AJAP1: variants seen among roughly 807,000 people sequenced by gnomAD.
AJAP1 encodes adherens junction-associated protein 1.
In AJAP1, 5 loss-of-function variants were observed where a neutral mutation model predicts 35.0. The observed-to-expected ratio is 0.14, with a 90% CI of 0.07 to 0.30. The LOEUF is 0.30. AJAP1 is among the 10% of genes least tolerant of loss of function. The pLI is 1.00. For synonymous variants in AJAP1, 284 were observed against 249.3 expected (o/e 1.14, Z -1.31); for missense variants, 586 against 571.0 (o/e 1.03, Z -0.27).
rs761901142 is a variant in AJAP1 at position 4,789,721 on chromosome 1, C to G, written c.*7236C>G. On this transcript the variant is annotated 3_prime_UTR_variant, in exon 6 of 6. Coordinates refer to ENST00000378191, the MANE Select transcript of AJAP1 (RefSeq NM_018836.4). The surrounding 1 kb of genome is among the most constrained non-coding windows in gnomAD (Gnocchi z 4.4). The stretch of plus-strand genomic sequence containing the variant: ...TTACTGGGTTGGGCAAGTCCTTGCC[C>G]CTAGAAAATTGGGGATAGCTTTGGC... 1 of 152,144 alleles carries G rather than the reference C, an allele frequency of 6.6e-6. No individual in the cohort carries two copies. The highest frequency in any genetic ancestry group is 6.5e-5 in the Admixed American group (1 of 15,274). 9.4% of individuals were successfully genotyped at this position (152,144 alleles called of 1,614,324 possible). A position where few individuals can be genotyped will look rare whatever the true frequency, so the allele number is the denominator to read the frequency against.
intron 2 of AJAP1, 121 bp from the exon 3 acceptor site, chr1:4,769,732 C>T (rs1641792542): frequency 1.2e-6 from 1 of 825,948 alleles, no homozygotes; most frequent in South Asian, 1.4e-5. Context: ...GAGTTCCCCG[C>T]TGCGGATGGG....
At chr1:4,735,776 G>A (rs1033560106) in intron 2 of AJAP1, among the ~76,000 whole-genome samples, 25 of 152,164 alleles carry the variant, frequency 1.6e-4, no homozygotes, top group African/African-American at 4.3e-4. Flanking sequence ...CGCCTCCTCC[G>A]GGGTCCCATC....
At chr1:4,727,468 T>A in intron 2 of AJAP1, among the ~76,000 whole-genome samples, 1 of 152,256 alleles carries the variant, frequency 6.6e-6, no homozygotes, top group Non-Finnish European at 1.5e-5. Flanking sequence ...TATGCTGCGC[T>A]GACCCCGTCT....
intron 1 of AJAP1, among the ~76,000 whole-genome samples, chr1:4,664,451 G>A (rs999014272): frequency 2.6e-5 from 4 of 152,188 alleles, no homozygotes; most frequent in African/African-American, 7.2e-5. Context: ...GACAATGGTG[G>A]TGGAGTTGCC....
At chr1:4,665,529 C>T (rs56261826) in intron 1 of AJAP1, among the ~76,000 whole-genome samples, 244 of 152,338 alleles carry the variant, frequency 1.6e-3, no homozygotes, top group African/African-American at 5.6e-3. Context: ...TGAGCCGCCA[C>T]ACTCACTCCA....
At chr1:4,728,510 T>C (rs2100294512) in intron 2 of AJAP1, among the ~76,000 whole-genome samples, 1 of 152,294 alleles carries the variant, frequency 6.6e-6, no homozygotes, top group East Asian at 1.9e-4. Flanking sequence ...GCTGCCCCGA[T>C]GCTGTGTAGG....
rs1032182368 is a variant in AJAP1, at chr1:4,788,337, T to C, written c.*5852T>C. 2 of 152,568 alleles carry C rather than the reference T, an allele frequency of 1.3e-5. No individual in the cohort carries two copies. The highest frequency in any genetic ancestry group is 2.9e-5 in the Non-Finnish European group (2 of 68,336). The allele number at this position is 152,568 out of a possible 1,614,324, so 9.5% of individuals were successfully genotyped here. ...GATGTAAGGAGTGACTAAAAACAGG[T>C]CTAGGCAGAGAACTGCTATCTTTTA... On this transcript the variant is annotated 3_prime_UTR_variant, in exon 6 of 6. Transcript: ENST00000378191.
chr1:4,762,417 C>A (rs1364720823), intron 2 of AJAP1, among the ~76,000 whole-genome samples: 1 of 152,188 alleles, frequency 6.6e-6, no homozygotes, highest in African/African-American at 2.4e-5. Flanking sequence ...ATTAGCTTGA[C>A]CTTCAGAGGG....
At chr1:4,683,400 G>A (rs1639531894) in intron 1 of AJAP1, among the ~76,000 whole-genome samples, 1 of 152,156 alleles carries the variant, frequency 6.6e-6, no homozygotes, top group African/African-American at 2.4e-5. Context: ...AGTGGTCTGG[G>A]CTGGGTCTGA....
At chr1:4,661,691 C>G (rs1192050545) in intron 1 of AJAP1, among the ~76,000 whole-genome samples, 1 of 152,092 alleles carries the variant, frequency 6.6e-6, no homozygotes, top group Non-Finnish European at 1.5e-5. Context: ...CAAGAAGGAC[C>G]CAGCTGCTGT....
chr1:4,716,444 C>T (rs1570149468), intron 2 of AJAP1, among the ~76,000 whole-genome samples: 1 of 152,086 alleles, frequency 6.6e-6, no homozygotes, highest in East Asian at 1.9e-4. Flanking sequence ...CAGTGCCTGG[C>T]ACATAACAGT....
chr1:4,732,180 G>A (rs978360696), intron 2 of AJAP1, among the ~76,000 whole-genome samples: 4 of 152,260 alleles, frequency 2.6e-5, no homozygotes, highest in African/African-American at 9.6e-5. Flanking sequence ...GCCCCATGAT[G>A]TGGGGATGGG....
At chr1:4,727,183 A>C (rs1269065330) in intron 2 of AJAP1, among the ~76,000 whole-genome samples, 1 of 152,220 alleles carries the variant, frequency 6.6e-6, no homozygotes, top group African/African-American at 2.4e-5. Flanking sequence ...GGTGAAGAGC[A>C]GGAGACGAAC....
rs529007547 is a variant in AJAP1, at chr1:4,693,908, A to T, written c.30-17992A>T. ...GGCCCCCTCACCTCTTACAGGTCCC[A>T]CCTCAGTGCTGTGGCACAGGGATTA... On this transcript the variant is annotated intron_variant, in intron 1 of 5. Transcript: ENST00000378191. The surrounding 1 kb of genome is among the most constrained non-coding windows in gnomAD (Gnocchi z 4.4). 5.3e-5 allele frequency among the ~76,000 whole-genome samples: 8 copies of T among 152,282 alleles called. No homozygotes were observed. In the East Asian group the frequency reaches 1.5e-3, roughly 29 times the overall value.
intron 2 of AJAP1, among the ~76,000 whole-genome samples, chr1:4,728,953 A>C (rs1640737110): frequency 6.6e-6 from 1 of 152,008 alleles, no homozygotes; most frequent in South Asian, 2.1e-4. Flanking sequence ...CAGACCACAC[A>C]TCCATGTTTC....
chr1:4,754,973 C>T (rs1258546304), intron 2 of AJAP1, among the ~76,000 whole-genome samples: 1 of 152,190 alleles, frequency 6.6e-6, no homozygotes, highest in Non-Finnish European at 1.5e-5. Flanking sequence ...ATCAGCCCTG[C>T]CTGGGCAGGA....
chr1:4,736,033 G>A (rs1228717706), intron 2 of AJAP1, among the ~76,000 whole-genome samples: 4 of 152,184 alleles, frequency 2.6e-5, no homozygotes, highest in Non-Finnish European at 4.4e-5. Context: ...CCTTACCTGC[G>A]CCTTACTTTC....
chr1:4,772,028 A>T (rs971965470), intron 3 of AJAP1, among the ~76,000 whole-genome samples: 2 of 152,028 alleles, frequency 1.3e-5, no homozygotes, highest in Non-Finnish European at 2.9e-5. Flanking sequence ...CACACAGCTC[A>T]CTACTTACCC....
chr1:4,779,322 TTTTTTC>T (rs930665808), intron 5 of AJAP1, among the ~76,000 whole-genome samples: 4 of 151,742 alleles, frequency 2.6e-5, no homozygotes, highest in African/African-American at 4.8e-5. Flanking sequence ...GCAGGAGGCT[TTTTTTC>T]TTTTTCTTTT....
Sources: allele counts gnomAD v4.1 joint callset (sites outside exome capture counted in the v4.1 genomes callset), GRCh38; gene constraint gnomAD v4.1.1; non-coding constraint Gnocchi (gnomAD v3.1); transcripts MANE v1.5; gene names NCBI Gene and HGNC (gene_info 2026-07-23, HGNC 2026-07-21).